The following TGFBRAP1 variants were observed in gnomAD, a reference collection of about 807,000 sequenced individuals.
The protein encoded by TGFBRAP1 is transforming growth factor-beta receptor-associated protein 1.
A neutral mutation model predicts 83.2 loss-of-function variants in TGFBRAP1; 20 were observed. The observed-to-expected ratio is 0.24, with a 90% CI of 0.17 to 0.35. TGFBRAP1 has a LOEUF of 0.35. Ranked by LOEUF, TGFBRAP1 falls within the 10% of genes least tolerant of loss-of-function variation. The probability of loss-of-function intolerance (pLI) is 1.00; values close to 1 mark genes in which losing one functional copy is unlikely to be tolerated. For synonymous variants in TGFBRAP1, 415 were observed against 459.8 expected, an observed-to-expected ratio of 0.90 and a Z score of 1.25; for missense variants, 950 against 1,099.4, an observed-to-expected ratio of 0.86 and a Z score of 1.92.
At chr2:105,255,954 G>C in the TGFBRAP1 span, among the ~76,000 whole-genome samples, 1 of 152,092 alleles carries the variant, frequency 6.6e-6, no homozygotes, top group African/African-American at 2.4e-5. Flanking sequence ...CGTGGGAGCT[G>C]TGGTAACAAC....
At chr2:105,295,684 G>A (rs188843750) in intron 4 of TGFBRAP1, among the ~76,000 whole-genome samples, 20 of 151,820 alleles carry the variant, frequency 1.3e-4, no homozygotes, top group Admixed American at 3.9e-4. Context: ...GGTGGCGGGC[G>A]CCTGTATTCC....
At chr2:105,255,547 C>T in the TGFBRAP1 span, among the ~76,000 whole-genome samples, 1 of 147,190 alleles carries the variant, frequency 6.8e-6, no homozygotes, top group Non-Finnish European at 1.5e-5. Context: ...TTTCGAACTC[C>T]TGGCCTCAAG....
Position 105,307,698 on chromosome 2 carries a change from A to T in TGFBRAP1, c.604T>A (p.Phe202Ile). 6.2e-7 allele frequency: 1 copy of T among 1,614,136 alleles called. No individual in the cohort carries two copies. The highest frequency in any genetic ancestry group is 8.5e-7 in the Non-Finnish European group (1 of 1,180,028). Residue 202 changes from phenylalanine to isoleucine, a missense_variant, in exon 2 of 12, where the codon TTT becomes ATT. Coordinates refer to ENST00000393359, the MANE Select transcript of TGFBRAP1 (RefSeq NM_004257.6). ...NYSTGVSQDL[F>I]PYCSEERPPI... ...GGCCTCTCCTCACTGCAGTAGGGAA[A>T]CAGGTCCTGGGAGACGCCTGTGCTG... is the stretch of plus-strand genomic sequence containing the variant.
rs762140292 is a variant in TGFBRAP1 at position 105,269,696 on chromosome 2, T to G, written c.1982A>C (p.Gln661Pro). The G allele has an allele frequency of 6.5e-7, 1 of 1,540,216 alleles. No individual in the cohort carries two copies. Among genetic ancestry groups the G allele is most frequent in the Non-Finnish European group, 8.8e-7 (1 of 1,140,948 alleles). Residue 661 changes from glutamine (Q) to proline (P), a missense_variant, in exon 11 of 12, where the codon CAG (glutamine) becomes CCG (proline). Coordinates refer to ENST00000393359, the MANE Select transcript of TGFBRAP1 (RefSeq NM_004257.6). This position sits in a 1 kb window ranked among gnomAD's most constrained non-coding sequence, Gnocchi z 4.1. ...YRVHFLLERLQGAGLPMESAI... is the reference protein window; with the variant it reads ...YRVHFLLERLPGAGLPMESAI... ...GCTCTCCATGGGCAGGCCAGCTCCC[T>G]GCAGCCTCTCTGCAAGACAGAACCT...
chr2:105,295,170 T>G (rs1275849886), intron 4 of TGFBRAP1, among the ~76,000 whole-genome samples: 1 of 152,230 alleles, frequency 6.6e-6, no homozygotes, highest in Non-Finnish European at 1.5e-5. Context: ...AAAGAGGTCC[T>G]GCTCACCTTC....
At chr2:105,261,426 G>C (rs1206250567), downstream of TGFBRAP1, among the ~76,000 whole-genome samples, 1 of 152,146 alleles carries the variant, frequency 6.6e-6, no homozygotes, top group Non-Finnish European at 1.5e-5. Context: ...TAGAGAAAGA[G>C]GAAGGACTTG....
chr2:105,276,626 AATCT>A (rs1677359348), intron 7 of TGFBRAP1, among the ~76,000 whole-genome samples: 1 of 152,198 alleles, frequency 6.6e-6, no homozygotes, highest in African/African-American at 2.4e-5. Context: ...CAAGTTTGCA[AATCT>A]ATCTCTCTAC....
chr2:105,286,066 G>A lies in TGFBRAP1; in HGVS notation c.1039-1668C>T, dbSNP rs555015819. 2.8e-4 allele frequency among the ~76,000 whole-genome samples: 42 copies of A among 152,190 alleles called. 1 individual carries two copies. Among genetic ancestry groups the A allele is most frequent in the South Asian group, 1.0e-3 (5 of 4,824 alleles). On this transcript the variant is annotated intron_variant, in intron 4 of 11. Coordinates refer to ENST00000393359, the MANE Select transcript of TGFBRAP1 (RefSeq NM_004257.6). ...AGGCTTGTTGAGGAGAAATCAGAAC[G>A]GCAATTTATTCCTTATGGCGGTAGG... is the stretch of plus-strand genomic sequence containing the variant.
At chr2:105,303,532 T>G (rs1488567151) in intron 2 of TGFBRAP1, among the ~76,000 whole-genome samples, 1 of 152,238 alleles carries the variant, frequency 6.6e-6, no homozygotes, top group African/African-American at 2.4e-5. Flanking sequence ...CCACCAGGCA[T>G]GGATGAAACC....
chr2:105,277,406 G>A (rs1677385625), intron 7 of TGFBRAP1, among the ~76,000 whole-genome samples: 1 of 152,136 alleles, frequency 6.6e-6, no homozygotes, highest in Non-Finnish European at 1.5e-5. Context: ...TGTTCTTTAA[G>A]GAGATGGAAA....
At chr2:105,325,004 G>A (rs956830328) in intron 1 of TGFBRAP1, 6 of 152,266 alleles carry the variant, frequency 3.9e-5, no homozygotes, top group African/African-American at 1.4e-4. Flanking sequence ...GTCTGGGCCT[G>A]TGTTCTCTAT....
Position 105,280,505 on chromosome 2 carries a change from T to G in TGFBRAP1, c.1340A>C (p.Asp447Ala). 1 of 1,614,134 alleles carries G rather than the reference T, an allele frequency of 6.2e-7. No individual in the cohort carries two copies. The highest frequency in any genetic ancestry group is 8.5e-7 in the Non-Finnish European group (1 of 1,180,028). The change falls in exon 6 of 12, where the codon GAC (aspartate) becomes GCC (alanine). Residue 447 changes from aspartate to alanine, a missense_variant. Coordinates refer to ENST00000393359, the MANE Select transcript of TGFBRAP1 (RefSeq NM_004257.6). ...STEVANGYKE[D>A]IDTALLKLYA... is the part of the protein sequence containing the mutation. ...CAGTTTGAGCAAGGCTGTGTCGATG[T>G]CCTCCTTGTAGCCATTTGCTACCTC...
intron 2 of TGFBRAP1, among the ~76,000 whole-genome samples, chr2:105,304,257 G>T (rs1678410156): frequency 6.6e-6 from 1 of 152,196 alleles, no homozygotes; most frequent in South Asian, 2.1e-4. Context: ...AAAATAAACA[G>T]AGGGCATGAT....
intron 2 of TGFBRAP1, among the ~76,000 whole-genome samples, chr2:105,306,410 A>G (rs570917245): frequency 2.6e-5 from 4 of 152,148 alleles, no homozygotes; most frequent in Admixed American, 2.6e-4. Context: ...CCCACTGTTA[A>G]GAGTGGGTAG....
chr2:105,325,798 G>A (rs1030624061), intron 1 of TGFBRAP1, among the ~76,000 whole-genome samples: 2 of 152,144 alleles, frequency 1.3e-5, no homozygotes, highest in African/African-American at 4.8e-5. Flanking sequence ...CTGGTCCCGT[G>A]TTCTTCTCTA....
At chr2:105,299,211 G>A (rs982749013) in intron 2 of TGFBRAP1, among the ~76,000 whole-genome samples, 1 of 152,084 alleles carries the variant, frequency 6.6e-6, no homozygotes, top group African/African-American at 2.4e-5. Flanking sequence ...AGCCCTGAAG[G>A]TCAAGGCTGC....
chr2:105,280,705 G>A lies in TGFBRAP1; in HGVS notation c.1140C>T (p.Val380=). The change falls in exon 6 of 12, where the codon GTC becomes GTT. Residue 380 remains valine, a synonymous_variant. Transcript: ENST00000393359. ...AGGGGTAGAGAGAGATCAGCTCCCG[G>A]ACATCAAGCTGGCCGCTTCTGCAAT... ...KELFRSGQLD[V]RELISLYPFL... 6.2e-7 allele frequency: 1 copy of A among 1,613,148 alleles called. No individual in the cohort carries two copies.
chr2:105,286,120 C>T (rs1269313924), intron 4 of TGFBRAP1, among the ~76,000 whole-genome samples: 1 of 152,202 alleles, frequency 6.6e-6, no homozygotes, highest in Non-Finnish European at 1.5e-5. Flanking sequence ...CTTCCTCTAT[C>T]TGCAGGGAAA....
intron 2 of TGFBRAP1, among the ~76,000 whole-genome samples, chr2:105,300,728 C>T (rs961566573): frequency 5.3e-5 from 8 of 152,096 alleles, no homozygotes; most frequent in African/African-American, 9.7e-5. Flanking sequence ...TGAGCCACTG[C>T]GCCCAGCCTA....
Sources: allele counts gnomAD v4.1 joint callset (sites outside exome capture counted in the v4.1 genomes callset), GRCh38; gene constraint gnomAD v4.1.1; non-coding constraint Gnocchi (gnomAD v3.1); transcripts MANE v1.5; gene names NCBI Gene and HGNC (gene_info 2026-07-23, HGNC 2026-07-21).